The following MEMO1 variants were observed in gnomAD, a reference collection of about 807,000 sequenced individuals.
The protein encoded by MEMO1 is protein MEMO1.
MEMO1 carries 6 observed loss-of-function variants against 45.2 expected under a neutral mutation model. That is an observed-to-expected ratio of 0.13 (90% CI 0.07 to 0.26). MEMO1 has a LOEUF of 0.26. MEMO1 is among the 10% of genes least tolerant of loss of function. The pLI is 1.00. For synonymous variants in MEMO1, 78 were observed against 124.3 expected (o/e 0.63, Z 2.48); for missense variants, 184 against 370.5 (o/e 0.50, Z 4.13).
intron 6 of MEMO1, among the ~76,000 whole-genome samples, chr2:31,896,886 T>G (rs1365511558): frequency 6.6e-6 from 1 of 151,836 alleles, no homozygotes; most frequent in Non-Finnish European, 1.5e-5. Context: ...AAATGGATAA[T>G]CAGCACATAA....
At chr2:31,933,355 A>T (rs1479272133) in intron 3 of MEMO1, among the ~76,000 whole-genome samples, 64 of 20,846 alleles carry the variant, frequency 3.1e-3, no homozygotes, top group Non-Finnish European at 4.8e-3. Context: ...AAAAATTTAT[A>T]TATATATATA....
At position 31,917,914 on chromosome 2, in the gene MEMO1, C is replaced by A; in HGVS notation, c.437+12G>T. The A allele has an allele frequency of 6.6e-7, 1 of 1,515,112 alleles. No individual in the cohort carries two copies. Among genetic ancestry groups the A allele is most frequent in the South Asian group, 1.2e-5 (1 of 81,762 alleles). The allele number at this position is 1,515,112 out of a possible 1,614,324, so 93.9% of individuals were successfully genotyped here. A position where few individuals can be genotyped will look rare whatever the true frequency, so the allele number is the denominator to read the frequency against. ...ATGATTTCCTGGGGATTTCTTATAT[C>A]AATCAATATACCTTTCCATGGCTTT... On this transcript the variant is annotated intron_variant, in intron 6 of 9. Coordinates refer to ENST00000404530, the MANE Select transcript of MEMO1 (RefSeq NM_001301833.4).
chr2:32,004,110 G>A (rs1048255453), intron 2 of MEMO1, among the ~76,000 whole-genome samples: 1 of 152,188 alleles, frequency 6.6e-6, no homozygotes, highest in African/African-American at 2.4e-5. Context: ...GAGCCCAAGA[G>A]TTAGAGGCTG....
chr2:31,984,610 G>A (rs1032888184), intron 2 of MEMO1, among the ~76,000 whole-genome samples: 5 of 152,156 alleles, frequency 3.3e-5, no homozygotes, highest in African/African-American at 4.8e-5. Flanking sequence ...AGCCATCCTG[G>A]CTAACACGGT....
At chr2:31,922,563 G>C (rs1682478970) in intron 4 of MEMO1, among the ~76,000 whole-genome samples, 1 of 151,872 alleles carries the variant, frequency 6.6e-6, no homozygotes, top group Non-Finnish European at 1.5e-5. Flanking sequence ...TTGGTGTACA[G>C]ATTATTTGGA....
intron 2 of MEMO1, among the ~76,000 whole-genome samples, chr2:31,998,154 G>A (rs2148580558): frequency 6.6e-6 from 1 of 152,202 alleles, no homozygotes; most frequent in East Asian, 1.9e-4. Flanking sequence ...TGGGACTATA[G>A]ATAGGCATGT....
intron 2 of MEMO1, among the ~76,000 whole-genome samples, chr2:31,957,056 C>T (rs1414680197): frequency 6.6e-6 from 1 of 151,358 alleles, no homozygotes; most frequent in Non-Finnish European, 1.5e-5. Context: ...GCAGGAGAAT[C>T]ACTTGAACCA....
At chr2:31,874,622 T>G (rs1391694678) in intron 8 of MEMO1, among the ~76,000 whole-genome samples, 1 of 152,034 alleles carries the variant, frequency 6.6e-6, no homozygotes. Flanking sequence ...CATGCTAATT[T>G]TGAACAGATG....
intron 6 of MEMO1, among the ~76,000 whole-genome samples, chr2:31,898,944 T>C (rs550647988): frequency 6.6e-6 from 1 of 152,202 alleles, no homozygotes; most frequent in African/African-American, 2.4e-5. Context: ...CTTGTTGCAT[T>C]GATCCCTTTA....
intron 2 of MEMO1, among the ~76,000 whole-genome samples, chr2:31,986,778 T>C (rs1671313428): frequency 6.6e-6 from 1 of 152,110 alleles, no homozygotes; most frequent in South Asian, 2.1e-4. Context: ...AACAGAAATA[T>C]TTACTTCACT....
intron 2 of MEMO1, among the ~76,000 whole-genome samples, chr2:31,963,831 A>G (rs970697819): frequency 1.3e-5 from 2 of 152,212 alleles, no homozygotes; most frequent in African/African-American, 4.8e-5. Context: ...CTAGCCACAT[A>G]CTGCTACTGG....
chr2:31,911,719 A>T (rs1056099448), intron 6 of MEMO1, among the ~76,000 whole-genome samples: 1 of 152,150 alleles, frequency 6.6e-6, no homozygotes, highest in Non-Finnish European at 1.5e-5. Flanking sequence ...ACAGATGAAC[A>T]TAACTAGACC....
chr2:31,887,537 C>A (rs1676375609), intron 7 of MEMO1, among the ~76,000 whole-genome samples: 1 of 152,098 alleles, frequency 6.6e-6, no homozygotes, highest in Non-Finnish European at 1.5e-5. Flanking sequence ...ATACTAAGGA[C>A]CCAACCTGGG....
chr2:31,987,421 A>T (rs1273300933), intron 2 of MEMO1, among the ~76,000 whole-genome samples: 1 of 152,226 alleles, frequency 6.6e-6, no homozygotes, highest in African/African-American at 2.4e-5. Flanking sequence ...ACAATTAAAA[A>T]ATCATTAATG....
intron 2 of MEMO1, among the ~76,000 whole-genome samples, chr2:31,969,916 T>C (rs932155550): frequency 1.3e-5 from 2 of 151,782 alleles, no homozygotes; most frequent in South Asian, 2.1e-4. Flanking sequence ...CTAAATTTTC[T>C]ATAACTTACC....
rs72859058 is a variant in MEMO1 at position 31,876,383 on chromosome 2, C to G, written c.658-6431G>C. Among the ~76,000 whole-genome samples, 1,090 of 152,282 alleles carry G rather than the reference C, an allele frequency of 7.2e-3. 14 individuals are homozygous for G. The highest frequency in any genetic ancestry group is 0.024 in the African/African-American group (1,011 of 41,552). ...CAGACCACTCAATCCAAAACAGCCT[C>G]CAATCATTTACCATCATTTACCTTT... On this transcript the variant is annotated intron_variant, in intron 8 of 9. Coordinates refer to ENST00000404530, the MANE Select transcript of MEMO1 (RefSeq NM_001301833.4).
chr2:31,880,895 A>T (rs536417541), intron 8 of MEMO1, among the ~76,000 whole-genome samples: 88 of 152,026 alleles, frequency 5.8e-4, no homozygotes, highest in African/African-American at 2.0e-3. Context: ...GTGGTGGTAA[A>T]TGTCTATAGT....
chr2:31,891,592 G>T (rs1396461917), intron 7 of MEMO1, among the ~76,000 whole-genome samples: 2 of 151,584 alleles, frequency 1.3e-5, no homozygotes, highest in African/African-American at 4.8e-5. Flanking sequence ...AAAAGGAAAT[G>T]TGGAAAAGGA....
chr2:31,901,844 G>A (rs1339906872), intron 6 of MEMO1, among the ~76,000 whole-genome samples: 2 of 151,790 alleles, frequency 1.3e-5, no homozygotes, highest in African/African-American at 4.9e-5. Flanking sequence ...GGAAGGTAGA[G>A]GTTGCAGTGA....
Sources: gnomAD v4.1 joint callset for allele counts (sites outside exome capture counted in the v4.1 genomes callset) on GRCh38, gnomAD v4.1.1 for gene constraint, MANE v1.5 for transcripts, NCBI Gene and HGNC (gene_info 2026-07-23, HGNC 2026-07-21) for gene names.